The following ODAD3 variants were observed in gnomAD, a reference collection of about 807,000 sequenced individuals.
ODAD3 encodes outer dynein arm docking complex subunit 3, also known as outer dynein arm-docking complex subunit 3.
ODAD3 carries 57 observed loss-of-function variants against 70.9 expected under a neutral mutation model. The observed-to-expected ratio is 0.80, with a 90% confidence interval of 0.65 to 1.00. The LOEUF (loss-of-function observed/expected upper bound fraction) is 1.00, where lower values mean the gene tolerates loss of function less well. Among genes scored for constraint, ODAD3 ranks in the 50% least tolerant of loss-of-function variants. ODAD3 has a pLI of 0.00. For missense variants in ODAD3, 797 were observed against 763.9 expected (o/e 1.04, Z -0.51); for synonymous variants, 327 against 315.9 (o/e 1.04, Z -0.37).
intron 6 of ODAD3, 88 bp from the exon 7 acceptor site, chr19:11,426,354 G>A (rs1164448072): frequency 6.2e-6 from 10 of 1,606,988 alleles, no homozygotes; most frequent in Non-Finnish European, 7.7e-6. Context: ...GGGCGGGGGC[G>A]TAGGGGAAGC....
At chr19:11,421,245 GGGCGGGGCCA>G in intron 11 of ODAD3, 33 bp from the exon 12 acceptor site, 35 of 1,593,940 alleles carry the variant, frequency 2.2e-5, no homozygotes, top group Non-Finnish European at 2.9e-5. Context: ...AGAGGAAGGT[GGGCGGGGCCA>G]GGGGCCACCG....
intron 7 of ODAD3, among the ~76,000 whole-genome samples, chr19:11,425,283 G>T (rs1451363567): frequency 7.1e-6 from 1 of 141,230 alleles, no homozygotes; most frequent in East Asian, 2.2e-4. Context: ...GTGTGTATAT[G>T]TACATATGTG....
At chr19:11,425,399 A>ATATG (rs1969318441) in intron 7 of ODAD3, among the ~76,000 whole-genome samples, 3 of 132,284 alleles carry the variant, frequency 2.3e-5, no homozygotes, top group East Asian at 2.2e-4. Context: ...ATATGTGTAT[A>ATATG]TGTATATATA....
chr19:11,429,721 G>A (rs1236691290), intron 3 of ODAD3, among the ~76,000 whole-genome samples: 1 of 141,776 alleles, frequency 7.1e-6, no homozygotes, highest in Non-Finnish European at 1.5e-5. Flanking sequence ...TGTATTTTTA[G>A]TAGAGACGGG....
chr19:11,435,154 T>A, upstream of ODAD3: 1 of 1,438,760 alleles, frequency 7.0e-7, no homozygotes, highest in Non-Finnish European at 9.1e-7. Flanking sequence ...GCGCTCCGCA[T>A]CTCTCGGTTG....
rs764165247 is a variant in ODAD3, at chr19:11,423,836, G to C, written c.1116+41C>G. On this transcript the variant is annotated intron_variant, in intron 8 of 12. Coordinates refer to ENST00000356392, the MANE Select transcript of ODAD3 (RefSeq NM_145045.5). ...GGCACCCCTGGGGCCCGTCTGGGGT[G>C]GGGGGGGGGCGCGGCGGAGAGGGCT... 18 of 787,954 alleles carry C rather than the reference G, an allele frequency of 2.3e-5. No individual in the cohort carries two copies. In the Middle Eastern group the frequency reaches 9.9e-4, roughly 43 times the overall value. The allele number at this position is 787,954 out of a possible 1,614,324, so 48.8% of individuals were successfully genotyped here.
At chr19:11,427,268 T>TA (rs1390736876) in intron 3 of ODAD3, among the ~76,000 whole-genome samples, 1 of 151,720 alleles carries the variant, frequency 6.6e-6, no homozygotes, top group Non-Finnish European at 1.5e-5. Context: ...CTCAGGGTTC[T>TA]AAAAAAATAT....
chr19:11,430,024 T>G (rs1969470847), intron 3 of ODAD3, among the ~76,000 whole-genome samples: 1 of 151,900 alleles, frequency 6.6e-6, no homozygotes, highest in Non-Finnish European at 1.5e-5. Flanking sequence ...GTTTTGAGAC[T>G]GAGTCTCACT....
In ODAD3 at chr19:11,423,881, G is replaced by A. The variant is rs773225513; in HGVS notation, c.1112C>T (p.Thr371Met). The part of the protein sequence containing the change: ...KVKDATGTDE[T>M]HSLVRRFLAQ... ...AGGGCTGCGGGCAGAACTCACGTGCGTCTCGTCAGTGCCAGTGGCGTCCTT... is the reference window on the plus strand; with the variant it reads ...AGGGCTGCGGGCAGAACTCACGTGCATCTCGTCAGTGCCAGTGGCGTCCTT... Residue 371 changes from threonine (T) to methionine (M), a missense_variant, in exon 8 of 13, where the codon ACG (threonine) becomes ATG (methionine). Physicochemically the swap from Thr to Met is moderately conservative, Grantham distance 81 (BLOSUM62 -1). Coordinates refer to ENST00000356392, the MANE Select transcript of ODAD3 (RefSeq NM_145045.5). The A allele has an allele frequency of 1.7e-5, 28 of 1,609,524 alleles. No individual in the cohort carries two copies. The highest frequency in any genetic ancestry group is 2.2e-5 in the Non-Finnish European group (26 of 1,178,410).
intron 3 of ODAD3, among the ~76,000 whole-genome samples, chr19:11,430,374 G>C (rs891158171): frequency 6.6e-6 from 1 of 151,826 alleles, no homozygotes; most frequent in Non-Finnish European, 1.5e-5. Flanking sequence ...CCGACTTCAG[G>C]TCATCTGCCC....
At position 11,425,103 on chromosome 19, in the gene ODAD3, G is replaced by T. The variant is rs200616843; in HGVS notation, c.963+1041C>A. ...TGTATATGTACATATGTGTATATATGTATATATGTGTATATGTACATATGT... is the reference window on the plus strand; with the variant it reads ...TGTATATGTACATATGTGTATATATTTATATATGTGTATATGTACATATGT... On this transcript the variant is annotated intron_variant, in intron 7 of 12. Coordinates refer to ENST00000356392, the MANE Select transcript of ODAD3 (RefSeq NM_145045.5). Among the ~76,000 whole-genome samples the T allele has an allele frequency of 1.5e-5, 2 of 131,920 alleles. 1 individual carries two copies. The allele number at this position is 131,920 out of a possible 152,430, so 86.5% of individuals were successfully genotyped here.
rs767550950 is a variant in ODAD3 at position 11,430,942 on chromosome 19, T to C, written c.323A>G (p.Lys108Arg). The C allele has an allele frequency of 6.2e-7, 1 of 1,614,098 alleles. No homozygotes were observed. Residue 108 changes from lysine (K) to arginine (R), a missense_variant, in exon 2 of 13, where the codon AAG becomes AGG. Physicochemically the swap from Lys to Arg is conservative, Grantham distance 26 (BLOSUM62 2). Transcript: ENST00000356392. Reference protein sequence around the residue: ...KNQETISQLRKETKALELKLL... With the variant: ...KNQETISQLRRETKALELKLL... ...CTTTAGTTCCAGTGCCTTAGTCTCCTTGCGGAGCTGACTGATGGTCTCCTG... is the reference window on the plus strand; with the variant it reads ...CTTTAGTTCCAGTGCCTTAGTCTCCCTGCGGAGCTGACTGATGGTCTCCTG...
At chr19:11,426,848 C>T in intron 4 of ODAD3, 25 bp downstream of exon 4, 1 of 1,611,256 alleles carries the variant, frequency 6.2e-7, no homozygotes, top group Non-Finnish European at 8.5e-7. Context: ...CGACCCTCTG[C>T]CCTGCAGGCC....
intron 7 of ODAD3, among the ~76,000 whole-genome samples, chr19:11,425,223 GTGTGTATATGTACATA>G (rs1393734741): frequency 1.7e-5 from 2 of 114,502 alleles, no homozygotes; most frequent in Admixed American, 7.9e-5. Context: ...GTGTATATAT[GTGTGTATATGTACATA>G]TGTGTATATA....
At chr19:11,424,258 C>A (rs1408778202) in intron 7 of ODAD3, among the ~76,000 whole-genome samples, 1 of 151,954 alleles carries the variant, frequency 6.6e-6, no homozygotes, top group Non-Finnish European at 1.5e-5. Context: ...AATTCCAGTA[C>A]TTTAGGAGGC....
rs746358422 is a variant in ODAD3 at position 11,422,911 on chromosome 19, G to A, written c.1117-50C>T. 6.4e-7 allele frequency: 1 copy of A among 1,572,170 alleles called. No individual in the cohort carries two copies. The highest frequency in any genetic ancestry group is 8.6e-7 in the Non-Finnish European group (1 of 1,162,594). On this transcript the variant is annotated intron_variant, in intron 8 of 12. Transcript: ENST00000356392. The surrounding 1 kb of genome is among the most constrained non-coding windows in gnomAD (Gnocchi z 4.6). ...GAGCCAGGGCCTAGGGAGCGTAGGG[G>A]CGCTCCACCTCCTCTCCCCCACCCT...
chr19:11,435,496 T>G, upstream of ODAD3: 1 of 404,822 alleles, frequency 2.5e-6, no homozygotes, highest in Non-Finnish European at 4.7e-6. Flanking sequence ...TCTCTAAGGT[T>G]TCACAGTCCT....
At position 11,420,866 on chromosome 19, in the gene ODAD3, T is replaced by G. The variant is rs375740639; in HGVS notation, c.1757A>C (p.His586Pro). The G allele has an allele frequency of 1.1e-5, 17 of 1,613,704 alleles. No individual in the cohort carries two copies. Among genetic ancestry groups the G allele is most frequent in the Non-Finnish European group, 1.4e-5 (17 of 1,179,916 alleles). Reference sequence around the variant, plus strand: ...CCTCCGAGAGCGACGGTGCTTCTTGTGACTTTCGATTAATTTCTGGGAACG... The same window carrying G: ...CCTCCGAGAGCGACGGTGCTTCTTGGGACTTTCGATTAATTTCTGGGAACG... ...KIRSQKLIES[H>P]KKHRRSRRS Residue 586 changes from histidine (H) to proline (P), a missense_variant, in exon 13 of 13, where the codon CAC (histidine) becomes CCC (proline). Physicochemically the swap from His to Pro is moderately conservative, Grantham distance 77 (BLOSUM62 -2). Coordinates refer to ENST00000356392, the MANE Select transcript of ODAD3 (RefSeq NM_145045.5).
intron 3 of ODAD3, among the ~76,000 whole-genome samples, chr19:11,429,877 A>C (rs1599465849): frequency 3.7e-5 from 5 of 136,884 alleles, no homozygotes; most frequent in African/African-American, 1.1e-4. Flanking sequence ...TTGTACTGTC[A>C]CTCAGGCTGG....
Sources: gnomAD v4.1 joint callset for allele counts (sites outside exome capture counted in the v4.1 genomes callset) on GRCh38, gnomAD v4.1.1 for gene constraint, Gnocchi (gnomAD v3.1) non-coding constraint, MANE v1.5 for transcripts, NCBI Gene and HGNC (gene_info 2026-07-23, HGNC 2026-07-21) for gene names.